ZNF791: variants seen among roughly 807,000 people sequenced by gnomAD.
ZNF791 encodes the protein zinc finger protein 791.
ZNF791 carries 4 observed loss-of-function variants against 11.5 expected under a neutral mutation model. The observed-to-expected ratio is 0.35, with a 90% CI of 0.17 to 0.80. ZNF791 has a LOEUF of 0.80. Among genes scored for constraint, ZNF791 ranks in the 30% least tolerant of loss-of-function variants. ZNF791 has a pLI of 0.53. For missense variants in ZNF791, 559 were observed against 699.4 expected (o/e 0.80, Z 2.26); for synonymous variants, 212 against 228.1 (o/e 0.93, Z 0.64).
rs1207325681 is a variant in ZNF791, at chr19:12,627,827, T to C, written c.298T>C (p.Tyr100His). 1 of 1,614,142 alleles carries C rather than the reference T, an allele frequency of 6.2e-7. No homozygotes were observed. Among genetic ancestry groups the C allele is most frequent in the East Asian group, 2.2e-5 (1 of 44,886 alleles). The change falls in exon 4 of 4, where the codon TAT becomes CAT. Residue 100 changes from tyrosine to histidine, a missense_variant. Physicochemically the swap from Tyr to His is moderately conservative, Grantham distance 83 (BLOSUM62 2). Transcript: ENST00000343325. ...VTKKTAGVKP[Y>H]ECTICGKAFM... Reference sequence around the variant, plus strand: ...GAAGAAGACTGCCGGAGTAAAACCATATGAGTGTACTATCTGTGGAAAAGC... The same window carrying C: ...GAAGAAGACTGCCGGAGTAAAACCACATGAGTGTACTATCTGTGGAAAAGC...
chr19:12,612,154 C>A, intron 1 of ZNF791: 2 of 895,194 alleles, frequency 2.2e-6, no homozygotes, highest in South Asian at 5.2e-5. Flanking sequence ...AGAAGTAATA[C>A]TTTTGTAAAC....
chr19:12,628,495 T>C lies in ZNF791; in HGVS notation c.966T>C (p.His322=), dbSNP rs1325323691. The C allele has an allele frequency of 1.2e-6, 2 of 1,612,044 alleles. No individual in the cohort carries two copies. The highest frequency in any genetic ancestry group is 2.2e-5 in the South Asian group (2 of 90,708). ...STSIQIHERI[H]TGEKPYKCKE... Reference sequence around the variant, plus strand: ...CCATTCAAATTCATGAAAGAATTCATACTGGAGAGAAGCCCTATAAATGTA... The same window carrying C: ...CCATTCAAATTCATGAAAGAATTCACACTGGAGAGAAGCCCTATAAATGTA... The change falls in exon 4 of 4, where the codon CAT becomes CAC. Residue 322 remains histidine (H), a synonymous_variant. Transcript: ENST00000343325.
Position 12,629,730 on chromosome 19 carries a change from C to A in ZNF791, c.*470C>A, listed in dbSNP as rs12327598. The A allele has an allele frequency of 0.88, 133,238 of 151,908 alleles. 59,042 individuals are homozygous for A. Among genetic ancestry groups the A allele is most frequent in the Middle Eastern group, 0.93 (271 of 292 alleles). The allele number at this position is 151,908 out of a possible 1,614,324, so 9.4% of individuals were successfully genotyped here. A position where few individuals can be genotyped will look rare whatever the true frequency, so the allele number is the denominator to read the frequency against. On this transcript the variant is annotated 3_prime_UTR_variant, in exon 4 of 4. Transcript: ENST00000343325. ...ACCCCATCTCTACTAAAAATACAAA[C>A]AATTAGCCGGGCGTGGTGGTGGGCG...
chr19:12,623,870 T>TTTGG (rs1555703477), intron 2 of ZNF791, 44 bp downstream of exon 2: 32 of 715,274 alleles, frequency 4.5e-5, no homozygotes, highest in South Asian at 8.4e-5. Flanking sequence ...TTTTTTTTTT[T>TTTGG]GGGGGGGGAC....
rs1169062020 is a variant in ZNF791 at position 12,610,972 on chromosome 19, T to C, written c.-108T>C. On this transcript the variant is annotated 5_prime_UTR_variant, in exon 1 of 4. Coordinates refer to ENST00000343325, the MANE Select transcript of ZNF791 (RefSeq NM_153358.3). ...GGGTTGTGCTTAGCTTGGGGTCTCC[T>C]GGCCCCTTGACGCGTCAGGTTGCTG... is the stretch of plus-strand genomic sequence containing the variant. 3.4e-6 allele frequency: 5 copies of C among 1,475,544 alleles called. No individual in the cohort carries two copies. Among genetic ancestry groups the C allele is most frequent in the Non-Finnish European group, 4.7e-6 (5 of 1,056,778 alleles). The allele number at this position is 1,475,544 out of a possible 1,614,324, so 91.4% of individuals were successfully genotyped here. A position where few individuals can be genotyped will look rare whatever the true frequency, so the allele number is the denominator to read the frequency against.
At chr19:12,619,264 C>T (rs1312746341) in intron 1 of ZNF791, among the ~76,000 whole-genome samples, 1 of 152,004 alleles carries the variant, frequency 6.6e-6, no homozygotes, top group Non-Finnish European at 1.5e-5. Context: ...AAATAATGCT[C>T]CTACTATTTT....
At position 12,622,411 on chromosome 19, in the gene ZNF791, C is replaced by CAAAAAAAA. The variant is rs370413296; in HGVS notation, c.4-1275_4-1268dup. 3.9e-4 allele frequency among the ~76,000 whole-genome samples: 31 copies of CAAAAAAAA among 79,486 alleles called. 1 individual carries two copies. The highest frequency in any genetic ancestry group is 4.5e-4 in the Non-Finnish European group (20 of 44,118). The allele number at this position is 79,486 out of a possible 152,430, so 52.1% of individuals were successfully genotyped here. On this transcript the variant is annotated intron_variant, in intron 1 of 3. Transcript: ENST00000343325. Reference sequence around the variant, plus strand: ...ATAATAAAAAAAAGACTGTCTCAAACAAAAAAAAAAAAAAAAAAAAACCTC... The same window carrying CAAAAAAAA: ...ATAATAAAAAAAAGACTGTCTCAAACAAAAAAAAAAAAAAAAAAAAAAAAAAAAACCTC...
At position 12,632,922 on chromosome 19, in the gene ZNF791, C is replaced by G. The variant is rs904826242; in HGVS notation, c.*3662C>G. On this transcript the variant is annotated 3_prime_UTR_variant, in exon 4 of 4. Coordinates refer to ENST00000343325, the MANE Select transcript of ZNF791 (RefSeq NM_153358.3). Reference sequence around the variant, plus strand: ...CATCCTGGCTAATACAGTGAAACCCCGTCTCTACTATAAATACAAAAAATT... The same window carrying G: ...CATCCTGGCTAATACAGTGAAACCCGGTCTCTACTATAAATACAAAAAATT... 6.6e-6 allele frequency: 1 copy of G among 152,030 alleles called. No individual in the cohort carries two copies. The highest frequency in any genetic ancestry group is 6.6e-5 in the Admixed American group (1 of 15,246). 9.4% of individuals were successfully genotyped at this position (152,030 alleles called of 1,614,324 possible).
chr19:12,628,007 TATAA>T lies in ZNF791; in HGVS notation c.481_484del (p.Lys161ValfsTer99). The T allele has an allele frequency of 6.2e-7, 1 of 1,613,648 alleles. No individual in the cohort carries two copies. Among genetic ancestry groups the T allele is most frequent in the Non-Finnish European group, 8.5e-7 (1 of 1,179,812 alleles). On this transcript the variant is annotated frameshift_variant, in exon 4 of 4. Transcript: ENST00000343325. LOFTEE classifies it low-confidence loss of function (END_TRUNC). ...AAGGAGTCACACTGGAGAAAAACCC[TATAA>T]ATGTAAACAATGTGGAAAAACCTTC...
At chr19:12,624,454 A>T (rs2023398476) in intron 2 of ZNF791, among the ~76,000 whole-genome samples, 196 bp from the exon 3 acceptor site, 1 of 152,030 alleles carries the variant, frequency 6.6e-6, no homozygotes, top group East Asian at 1.9e-4. Flanking sequence ...CACCCCAGTG[A>T]CATCATTTTT....
At position 12,628,876 on chromosome 19, in the gene ZNF791, C is replaced by G; in HGVS notation, c.1347C>G (p.Phe449Leu). 1 of 1,611,874 alleles carries G rather than the reference C, an allele frequency of 6.2e-7. No homozygotes were observed. The highest frequency in any genetic ancestry group is 1.1e-5 in the South Asian group (1 of 90,866). The change falls in exon 4 of 4, where the codon TTC becomes TTG. Residue 449 changes from phenylalanine (F) to leucine (L), a missense_variant. Transcript: ENST00000343325. ...AATGTAGGGACTGTGGGAAGGTGTT[C>G]ATTTTTCCTAGTGCGTTACGAACAC... ...PYKCRDCGKVFIFPSALRTHE... is the reference protein window; with the variant it reads ...PYKCRDCGKVLIFPSALRTHE...
intron 3 of ZNF791, among the ~76,000 whole-genome samples, chr19:12,627,517 T>C (rs1212146037): frequency 6.6e-6 from 1 of 151,606 alleles, no homozygotes; most frequent in Non-Finnish European, 1.5e-5. Context: ...TCCCAGCTAC[T>C]TGGGAGGCCG....
intron 3 of ZNF791, among the ~76,000 whole-genome samples, chr19:12,627,264 A>G (rs577456136): frequency 1.3e-5 from 2 of 152,280 alleles, no homozygotes; most frequent in African/African-American, 4.8e-5. Flanking sequence ...CCTCTTGCAG[A>G]ACATTGAGTA....
At chr19:12,611,432 A>G (rs1463727858) in intron 1 of ZNF791, among the ~76,000 whole-genome samples, 2 of 152,120 alleles carry the variant, frequency 1.3e-5, no homozygotes, top group Non-Finnish European at 2.9e-5. Context: ...TGTTGGAAGC[A>G]GAGTCTCAAA....
chr19:12,614,005 A>ACAGACC, intron 1 of ZNF791, among the ~76,000 whole-genome samples: 1 of 152,276 alleles, frequency 6.6e-6, no homozygotes, highest in African/African-American at 2.4e-5. Flanking sequence ...GTCAGGACTT[A>ACAGACC]TGTTTCCTAG....
intron 1 of ZNF791, among the ~76,000 whole-genome samples, chr19:12,621,838 A>T (rs368842589): frequency 7.8e-6 from 1 of 128,550 alleles, no homozygotes; most frequent in Non-Finnish European, 1.7e-5. Flanking sequence ...CCCGGCCACC[A>T]CCCCGTCTGG....
Position 12,618,006 on chromosome 19 carries a change from C to T in ZNF791, c.4-5694C>T, listed in dbSNP as rs182184047. Among the ~76,000 whole-genome samples the T allele has an allele frequency of 2.3e-3, 342 of 149,782 alleles. 6 individuals carry two copies. The highest frequency in any genetic ancestry group is 1.0e-3 in the Non-Finnish European group (71 of 67,658). On this transcript the variant is annotated intron_variant, in intron 1 of 3. Transcript: ENST00000343325. ...GAACTCAGCTCACTGCAACCTCCAT[C>T]CACTGGGTTCAAGCGATTCTCCTGC...
In ZNF791 at chr19:12,610,967, T is replaced by C; in HGVS notation, c.-113T>C. The C allele has an allele frequency of 7.0e-7, 1 of 1,421,640 alleles. No individual in the cohort carries two copies. Among genetic ancestry groups the C allele is most frequent in the Non-Finnish European group, 9.9e-7 (1 of 1,009,676 alleles). The allele number at this position is 1,421,640 out of a possible 1,614,324, so 88.1% of individuals were successfully genotyped here. A position where few individuals can be genotyped will look rare whatever the true frequency, so the allele number is the denominator to read the frequency against. The stretch of plus-strand genomic sequence containing the variant: ...CGATCGGGTTGTGCTTAGCTTGGGG[T>C]CTCCTGGCCCCTTGACGCGTCAGGT... On this transcript the variant is annotated 5_prime_UTR_variant, in exon 1 of 4. Coordinates refer to ENST00000343325, the MANE Select transcript of ZNF791 (RefSeq NM_153358.3).
At position 12,611,017 on chromosome 19, in the gene ZNF791, C is replaced by T; in HGVS notation, c.-63C>T. 1 of 1,612,670 alleles carries T rather than the reference C, an allele frequency of 6.2e-7. No homozygotes were observed. Among genetic ancestry groups the T allele is most frequent in the South Asian group, 1.1e-5 (1 of 91,018 alleles). On this transcript the variant is annotated 5_prime_UTR_variant, in exon 1 of 4. Coordinates refer to ENST00000343325, the MANE Select transcript of ZNF791 (RefSeq NM_153358.3). Reference sequence around the variant, plus strand: ...TTGCTGTACCCCTGCATCGGATGCGCTGTACCCTGCGCTGGCTCCGTGAAC... The same window carrying T: ...TTGCTGTACCCCTGCATCGGATGCGTTGTACCCTGCGCTGGCTCCGTGAAC...
Sources: allele counts gnomAD v4.1 joint callset (sites outside exome capture counted in the v4.1 genomes callset), GRCh38; gene constraint gnomAD v4.1.1; transcripts MANE v1.5; gene names NCBI Gene and HGNC (gene_info 2026-07-23, HGNC 2026-07-21).